The following ADAMTS2 variants were observed in gnomAD, a reference collection of about 807,000 sequenced individuals.
The protein encoded by ADAMTS2 is A disintegrin and metalloproteinase with thrombospondin motifs 2.
A neutral mutation model predicts 123.0 loss-of-function variants in ADAMTS2; 50 were observed. The ratio of observed to expected loss-of-function variants is 0.41; its 90% CI spans 0.32 to 0.51. The LOEUF (loss-of-function observed/expected upper bound fraction) is 0.51. Among genes scored for constraint, ADAMTS2 ranks in the 20% least tolerant of loss-of-function variants. ADAMTS2 has a pLI of 0.35. For missense variants in ADAMTS2, 1,494 were observed against 1,705.2 expected (o/e 0.88, Z 2.18); for synonymous variants, 678 against 695.4 (o/e 0.98, Z 0.39).
At chr5:179,168,815 T>C (rs1255023254) in intron 5 of ADAMTS2, among the ~76,000 whole-genome samples, 1 of 151,922 alleles carries the variant, frequency 6.6e-6, no homozygotes, top group Non-Finnish European at 1.5e-5. Flanking sequence ...AGGCTGGAGG[T>C]CTCTTGTTCC....
chr5:179,174,615 GTA>G (rs1411404161), intron 5 of ADAMTS2, among the ~76,000 whole-genome samples: 3 of 152,184 alleles, frequency 2.0e-5, no homozygotes, highest in Non-Finnish European at 4.4e-5. Context: ...GTTTATCACG[GTA>G]GGTTATTTGT....
In ADAMTS2 at chr5:179,285,316, A is replaced by G. The variant is rs1755989627; in HGVS notation, c.535-12252T>C. Among the ~76,000 whole-genome samples the G allele has an allele frequency of 6.6e-6, 1 of 152,250 alleles. No homozygotes were observed. Among genetic ancestry groups the G allele is most frequent in the African/African-American group, 2.4e-5 (1 of 41,462 alleles). ...AAAGGGGGAGAGCACAGAGAGAAAGATAAGGGGGAAAATGGAATAAACAAG... is the reference window on the plus strand; with the variant it reads ...AAAGGGGGAGAGCACAGAGAGAAAGGTAAGGGGGAAAATGGAATAAACAAG... On this transcript the variant is annotated intron_variant, in intron 2 of 21. Transcript: ENST00000251582. The surrounding 1 kb of genome is among the most constrained non-coding windows in gnomAD (Gnocchi z 4.9).
chr5:179,250,771 T>C (rs1765901357), intron 3 of ADAMTS2, among the ~76,000 whole-genome samples: 1 of 152,210 alleles, frequency 6.6e-6, no homozygotes. Flanking sequence ...ACCCTGTACA[T>C]CTGCTCCTAA....
At chr5:179,268,229 C>T (rs1193366149) in intron 3 of ADAMTS2, among the ~76,000 whole-genome samples, 1 of 152,106 alleles carries the variant, frequency 6.6e-6, no homozygotes, top group African/African-American at 2.4e-5. Flanking sequence ...GTGCCCATGG[C>T]AAGGCCAGGG....
intron 19 of ADAMTS2, 56 bp from the exon 20 acceptor site, chr5:179,122,829 C>T (rs1282178770): frequency 6.5e-7 from 1 of 1,549,294 alleles, no homozygotes; most frequent in East Asian, 2.4e-5. Flanking sequence ...CCCGCACTGG[C>T]AGAGCTGGAG....
chr5:179,338,408 C>T (rs530362496), intron 2 of ADAMTS2, among the ~76,000 whole-genome samples: 231 of 152,308 alleles, frequency 1.5e-3, no homozygotes, highest in African/African-American at 5.4e-3. Context: ...CTCCCCGGAC[C>T]CCCTCCTGAG....
intron 11 of ADAMTS2, among the ~76,000 whole-genome samples, chr5:179,139,557 G>A (rs1047944549): frequency 2.6e-5 from 4 of 152,072 alleles, no homozygotes; most frequent in Non-Finnish European, 4.4e-5. Context: ...GGGGCTGAGA[G>A]ACCACCCCCG....
intron 2 of ADAMTS2, among the ~76,000 whole-genome samples, chr5:179,330,098 A>T (rs1757442789): frequency 6.9e-6 from 1 of 145,600 alleles, no homozygotes; most frequent in Admixed American, 7.0e-5. Context: ...TGCAGTCCGC[A>T]GTCCGGCCTG....
rs1167005833 is a variant in ADAMTS2 at position 179,201,124 on chromosome 5, GAC to G, written c.891+6387_891+6388del. 2.0e-5 allele frequency among the ~76,000 whole-genome samples: 3 copies of G among 152,206 alleles called. No homozygotes were observed. In the East Asian group the frequency reaches 5.8e-4, roughly 29 times the overall value. On this transcript the variant is annotated intron_variant, in intron 4 of 21. Transcript: ENST00000251582. ...ACTCAGTGGTGTGAGGAGGTGGGGA[GAC>G]AGTCATTTGCTCAATGAAGCGGGAA...
chr5:179,224,630 G>A (rs1429922331), intron 3 of ADAMTS2, among the ~76,000 whole-genome samples: 2 of 152,242 alleles, frequency 1.3e-5, no homozygotes, highest in Non-Finnish European at 2.9e-5. Flanking sequence ...TCCAGCCCAA[G>A]GTGGCCAGTG....
Position 179,180,218 on chromosome 5 carries a change from T to C in ADAMTS2, c.975+854A>G, listed in dbSNP as rs976310853. Among the ~76,000 whole-genome samples the C allele has an allele frequency of 6.6e-6, 1 of 152,202 alleles. No homozygotes were observed. Among genetic ancestry groups the C allele is most frequent in the Non-Finnish European group, 1.5e-5 (1 of 68,032 alleles). ...CGTGGGGCTCCTCTCTTCCTCTGTCTGCACAGCATCCCGTGTTGCCATCCC... is the reference window on the plus strand; with the variant it reads ...CGTGGGGCTCCTCTCTTCCTCTGTCCGCACAGCATCCCGTGTTGCCATCCC... On this transcript the variant is annotated intron_variant, in intron 5 of 21. Coordinates refer to ENST00000251582, the MANE Select transcript of ADAMTS2 (RefSeq NM_014244.5). This position sits in a 1 kb window ranked among gnomAD's most constrained non-coding sequence, Gnocchi z 4.6.
At chr5:179,281,878 G>C (rs566604200) in intron 2 of ADAMTS2, among the ~76,000 whole-genome samples, 1 of 152,088 alleles carries the variant, frequency 6.6e-6, no homozygotes, top group Admixed American at 6.5e-5. Flanking sequence ...ATCATGCTTC[G>C]GCTTGCATTT....
At chr5:179,295,147 T>C (rs1269423736) in intron 2 of ADAMTS2, among the ~76,000 whole-genome samples, 2 of 152,246 alleles carry the variant, frequency 1.3e-5, no homozygotes, top group Non-Finnish European at 2.9e-5. Context: ...AAATAGATTC[T>C]GGATTAGAAA....
intron 5 of ADAMTS2, among the ~76,000 whole-genome samples, chr5:179,167,366 G>A (rs957180067): frequency 6.6e-6 from 1 of 152,112 alleles, no homozygotes; most frequent in Non-Finnish European, 1.5e-5. Flanking sequence ...GGCTCCCGGG[G>A]CCCCAGCGGC....
At chr5:179,338,962 G>A (rs1262505537) in intron 2 of ADAMTS2, among the ~76,000 whole-genome samples, 2 of 152,118 alleles carry the variant, frequency 1.3e-5, no homozygotes, top group African/African-American at 4.8e-5. Context: ...CACGTGACTT[G>A]AGTATGGGGT....
At chr5:179,190,602 C>A (rs1764282379) in intron 4 of ADAMTS2, among the ~76,000 whole-genome samples, 1 of 152,162 alleles carries the variant, frequency 6.6e-6, no homozygotes, top group Non-Finnish European at 1.5e-5. Context: ...ATACACCAGG[C>A]CAGACTGATT....
Position 179,117,082 on chromosome 5 carries a change from C to T in ADAMTS2, c.3179-2758G>A, listed in dbSNP as rs1196966570. Reference sequence around the variant, plus strand: ...GCCCAATATATGAAACAGATAGACTCAGACTGCTGATGATAGTACTGTTTG... The same window carrying T: ...GCCCAATATATGAAACAGATAGACTTAGACTGCTGATGATAGTACTGTTTG... On this transcript the variant is annotated intron_variant, in intron 21 of 21. Coordinates refer to ENST00000251582, the MANE Select transcript of ADAMTS2 (RefSeq NM_014244.5). This position sits in a 1 kb window ranked among gnomAD's most constrained non-coding sequence, Gnocchi z 4.2. 2.0e-5 allele frequency among the ~76,000 whole-genome samples: 3 copies of T among 152,280 alleles called. No homozygotes were observed. The highest frequency in any genetic ancestry group is 4.8e-5 in the African/African-American group (2 of 41,562).
chr5:179,299,283 A>C (rs1409804957), intron 2 of ADAMTS2, among the ~76,000 whole-genome samples: 1 of 143,848 alleles, frequency 7.0e-6, no homozygotes, highest in Non-Finnish European at 1.5e-5. Context: ...TAATCCCAGC[A>C]CTTTGGGAGG....
chr5:179,194,016 AGG>A (rs1460728997), intron 4 of ADAMTS2, among the ~76,000 whole-genome samples: 1 of 152,162 alleles, frequency 6.6e-6, no homozygotes, highest in Non-Finnish European at 1.5e-5. Flanking sequence ...ACAAGCTCCG[AGG>A]CTGCCTCAAG....
Sources: allele counts gnomAD v4.1 joint callset (sites outside exome capture counted in the v4.1 genomes callset), GRCh38; gene constraint gnomAD v4.1.1; non-coding constraint Gnocchi (gnomAD v3.1); transcripts MANE v1.5; gene names NCBI Gene and HGNC (gene_info 2026-07-23, HGNC 2026-07-21).